The following LACRT variants were observed in gnomAD, a reference collection of about 807,000 sequenced individuals.
LACRT encodes the protein lacritin.
Under a neutral mutation model 14.5 loss-of-function variants are expected in LACRT, and 14 were observed. The observed-to-expected ratio is 0.96, with a 90% CI of 0.64 to 1.51. LACRT has a LOEUF of 1.51. Ranked by LOEUF, LACRT falls within the 40% of genes most tolerant of loss-of-function variation. The pLI is 0.00. For synonymous variants in LACRT, 70 were observed against 63.5 expected (o/e 1.10, Z -0.48); for missense variants, 156 against 161.8 (o/e 0.96, Z 0.19).
intron 2 of LACRT, 90 bp from the exon 3 acceptor site, chr12:54,632,471 T>C (rs1480161469): frequency 4.1e-6 from 6 of 1,474,720 alleles, no homozygotes; most frequent in African/African-American, 1.4e-5. Flanking sequence ...ACCTAATGTG[T>C]GCTGGGTGCC....
chr12:54,633,211 C>G lies in LACRT; in HGVS notation c.81G>C (p.Thr27=). The G allele has an allele frequency of 1.2e-6, 2 of 1,613,840 alleles. No homozygotes were observed. The highest frequency in any genetic ancestry group is 1.7e-6 in the Non-Finnish European group (2 of 1,179,894). The stretch of plus-strand genomic sequence containing the variant: ...CAGCTTCCTGGGCAGGATCAGCACC[C>G]GTCGAGTCAGAGGAGGCATCTTCTG... ...VYAEDASSDS[T]GADPAQEAGT... is the part of the protein sequence containing the mutation. The change falls in exon 2 of 5, where the codon ACG becomes ACC. Residue 27 remains threonine, a synonymous_variant. Transcript: ENST00000257867.
chr12:54,633,281 C>CT, intron 1 of LACRT, 48 bp from the exon 2 acceptor site: 1 of 1,537,086 alleles, frequency 6.5e-7, no homozygotes, highest in Non-Finnish European at 9.0e-7. Flanking sequence ...CGAACCGGAC[C>CT]TACTCGAGCC....
chr12:54,632,456 AG>A (rs1365836980), intron 2 of LACRT, 75 bp from the exon 3 acceptor site: 1 of 1,557,924 alleles, frequency 6.4e-7, no homozygotes, highest in African/African-American at 1.4e-5. Context: ...GCAGGGCCCC[AG>A]GATACCTAAT....
At position 54,632,321 on chromosome 12, in the gene LACRT, G is replaced by A; in HGVS notation, c.173C>T (p.Thr58Ile). ...AEPASPPETT[T>I]TAQETSAAAV... is the part of the protein sequence containing the mutation. ...TGCCGCCGAAGTCTCCTGGGCTGTT[G>A]TGGTTGTCTCTGGGGGTGAAGCTGG... Residue 58 changes from threonine (T) to isoleucine (I), a missense_variant, in exon 3 of 5, where the codon ACA (threonine) becomes ATA (isoleucine). Physicochemically the swap from Thr to Ile is moderately conservative, Grantham distance 89. Coordinates refer to ENST00000257867, the MANE Select transcript of LACRT (RefSeq NM_033277.2). 1 of 1,614,162 alleles carries A rather than the reference G, an allele frequency of 6.2e-7. No homozygotes were observed. The highest frequency in any genetic ancestry group is 8.5e-7 in the Non-Finnish European group (1 of 1,180,026).
At chr12:54,631,684 G>A (rs571948172) in intron 4 of LACRT, 54 bp downstream of exon 4, 3 of 1,290,020 alleles carry the variant, frequency 2.3e-6, no homozygotes, top group East Asian at 4.6e-5. Context: ...ACCCCCGGAT[G>A]GTGGGTGGTG....
In LACRT at chr12:54,632,060, A is replaced by G. The variant is rs117342787; in HGVS notation, c.253+181T>C. On this transcript the variant is annotated intron_variant, in intron 3 of 4. Transcript: ENST00000257867. ...AACCATGTATTGTGCAGGCTGCAACATCTACTATTGTGAAAACGTTGTGTG... is the reference window on the plus strand; with the variant it reads ...AACCATGTATTGTGCAGGCTGCAACGTCTACTATTGTGAAAACGTTGTGTG... The G allele has an allele frequency of 1.2e-3, 887 of 709,676 alleles. 9 individuals are homozygous for G. The East Asian group carries it at 0.018, about 15-fold the overall frequency. The allele number at this position is 709,676 out of a possible 1,614,324, so 44.0% of individuals were successfully genotyped here.
intron 1 of LACRT, 134 bp from the exon 2 acceptor site, chr12:54,633,367 T>G: frequency 1.3e-6 from 1 of 757,142 alleles, no homozygotes; most frequent in Non-Finnish European, 2.2e-6. Context: ...CCCTTTGGGT[T>G]GGACATGCCC....
intron 4 of LACRT, 114 bp downstream of exon 4, chr12:54,631,624 C>T (rs1439921830): frequency 2.6e-6 from 2 of 761,896 alleles, no homozygotes; most frequent in African/African-American, 1.7e-5. Context: ...GTGGCAATTC[C>T]AAGTCTCATA....
At chr12:54,632,677 G>T (rs1958160977) in intron 2 of LACRT, among the ~76,000 whole-genome samples, 1 of 152,092 alleles carries the variant, frequency 6.6e-6, no homozygotes, top group Non-Finnish European at 1.5e-5. Context: ...GTACCAAAGG[G>T]GCTTCCCTGG....
At position 54,630,938 on chromosome 12, in the gene LACRT, G is replaced by T; in HGVS notation, c.371C>A (p.Ala124Glu). 1 of 1,610,910 alleles carries T rather than the reference G, an allele frequency of 6.2e-7. No homozygotes were observed. Among genetic ancestry groups the T allele is most frequent in the Non-Finnish European group, 8.5e-7 (1 of 1,177,632 alleles). Reference sequence around the variant, plus strand: ...ACTGAATTTCTTCAGTAATTTTTGTGCAAATTCACTTCCATCTAGAAGGAA... The same window carrying T: ...ACTGAATTTCTTCAGTAATTTTTGTTCAAATTCACTTCCATCTAGAAGGAA... The part of the protein sequence containing the change: ...KQFIENGSEF[A>E]QKLLKKFSLL... The change falls in exon 5 of 5, where the codon GCA (alanine) becomes GAA (glutamate). Residue 124 changes from alanine (A) to glutamate (E), a missense_variant. Transcript: ENST00000257867.
intron 4 of LACRT, 64 bp downstream of exon 4, chr12:54,631,674 A>T: frequency 8.1e-7 from 1 of 1,234,064 alleles, no homozygotes; most frequent in Non-Finnish European, 1.2e-6. Flanking sequence ...CCCATATCCC[A>T]CCCCCGGATG....
At chr12:54,632,009 T>C (rs1003515466) in intron 3 of LACRT, 170 bp from the exon 4 acceptor site, 8 of 628,288 alleles carry the variant, frequency 1.3e-5, no homozygotes, top group South Asian at 1.9e-5. Flanking sequence ...ACTTCTCTCA[T>C]AGGAAGTTGT....
chr12:54,632,470 G>A (rs1958159416), intron 2 of LACRT, 89 bp from the exon 3 acceptor site: 3 of 1,445,174 alleles, frequency 2.1e-6, no homozygotes, highest in Non-Finnish European at 2.9e-6. Flanking sequence ...TACCTAATGT[G>A]TGCTGGGTGC....
chr12:54,633,399 A>G (rs1023381893), intron 1 of LACRT, among the ~76,000 whole-genome samples, 166 bp from the exon 2 acceptor site: 3 of 152,090 alleles, frequency 2.0e-5, no homozygotes, highest in Non-Finnish European at 2.9e-5. Flanking sequence ...CAGCGGGTCT[A>G]CTGGGGCACT....
At chr12:54,632,185 G>T (rs1048251569) in intron 3 of LACRT, 56 bp downstream of exon 3, 66 of 1,598,030 alleles carry the variant, frequency 4.1e-5, no homozygotes, top group Non-Finnish European at 4.7e-5. Context: ...TGTGATGTGG[G>T]CCTGCAGCCA....
In LACRT at chr12:54,632,037, C is replaced by T. The variant is rs905522904; in HGVS notation, c.254-198G>A. ...GAAGTTGTGTGAGCCAGGACAGAAA[C>T]CATGTATTGTGCAGGCTGCAACATC... On this transcript the variant is annotated intron_variant, in intron 3 of 4. Transcript: ENST00000257867. The T allele has an allele frequency of 1.0e-5, 7 of 686,880 alleles. No individual in the cohort carries two copies. In the African/African-American group the frequency reaches 1.1e-4, roughly 11 times the overall value. The allele number at this position is 686,880 out of a possible 1,614,324, so 42.5% of individuals were successfully genotyped here.
intron 1 of LACRT, among the ~76,000 whole-genome samples, chr12:54,633,853 T>A (rs1405860827): frequency 2.6e-5 from 4 of 152,168 alleles, no homozygotes; most frequent in Non-Finnish European, 1.5e-5. Flanking sequence ...TTGTTCCGCA[T>A]GTGCATGGAA....
chr12:54,630,976 T>C (rs1216159485), intron 4 of LACRT, 23 bp from the exon 5 acceptor site: 4 of 1,567,766 alleles, frequency 2.6e-6, no homozygotes, highest in African/African-American at 2.7e-5. Context: ...ATGAGACAAA[T>C]GAGGCTTTTA....
chr12:54,633,298 C>T lies in LACRT; in HGVS notation c.59-65G>A, dbSNP rs547617116. 6 of 1,361,986 alleles carry T rather than the reference C, an allele frequency of 4.4e-6. No homozygotes were observed. The African/African-American group carries it at 8.6e-5, about 20-fold the overall frequency. 84.4% of individuals were successfully genotyped at this position (1,361,986 alleles called of 1,614,324 possible). A position where few individuals can be genotyped will look rare whatever the true frequency, so the allele number is the denominator to read the frequency against. On this transcript the variant is annotated intron_variant, in intron 1 of 4. Coordinates refer to ENST00000257867, the MANE Select transcript of LACRT (RefSeq NM_033277.2). ...AACCGGACCTACTCGAGCCACCCTC[C>T]CCTCCCATTCCCAAAGCTTATCTCC...
Sources: allele counts gnomAD v4.1 joint callset (sites outside exome capture counted in the v4.1 genomes callset), GRCh38; gene constraint gnomAD v4.1.1; transcripts MANE v1.5; gene names NCBI Gene and HGNC (gene_info 2026-07-23, HGNC 2026-07-21).